TAFA1: variants seen among roughly 807,000 people sequenced by gnomAD.
TAFA1 encodes the protein chemokine-like protein TAFA-1.
TAFA1 carries 4 observed loss-of-function variants against 18.5 expected under a neutral mutation model. The ratio of observed to expected loss-of-function variants is 0.22; its 90% CI spans 0.11 to 0.49. The LOEUF (loss-of-function observed/expected upper bound fraction) is 0.49. Ranked by LOEUF, TAFA1 falls within the 20% of genes least tolerant of loss-of-function variation. The pLI is 0.98. For synonymous variants in TAFA1, 56 were observed against 55.2 expected (o/e 1.01, Z -0.06); for missense variants, 147 against 169.0 (o/e 0.87, Z 0.72).
chr3:68,291,375 C>T (rs2068103772), intron 2 of TAFA1, among the ~76,000 whole-genome samples: 2 of 152,048 alleles, frequency 1.3e-5, no homozygotes, highest in Admixed American at 1.3e-4. Context: ...TTTTTACATG[C>T]CCAGTGCTTT....
chr3:68,232,295 A>G (rs2066881463), intron 2 of TAFA1, among the ~76,000 whole-genome samples: 1 of 152,094 alleles, frequency 6.6e-6, no homozygotes, highest in Admixed American at 6.6e-5. Context: ...TAGCTCCCCC[A>G]TATGAGTGAG....
chr3:68,359,074 G>A (rs768462996), intron 2 of TAFA1, among the ~76,000 whole-genome samples: 2 of 152,004 alleles, frequency 1.3e-5, no homozygotes, highest in African/African-American at 2.4e-5. Context: ...TGTACCCAGA[G>A]CACTGTTGTC....
chr3:68,376,900 A>G (rs2069830051), intron 2 of TAFA1, among the ~76,000 whole-genome samples: 1 of 152,080 alleles, frequency 6.6e-6, no homozygotes, highest in South Asian at 2.1e-4. Context: ...ATAGTGAGTG[A>G]GTTCTCATGA....
intron 3 of TAFA1, among the ~76,000 whole-genome samples, chr3:68,488,486 A>G (rs187786259): frequency 2.9e-4 from 44 of 152,320 alleles, no homozygotes; most frequent in African/African-American, 1.1e-3. Flanking sequence ...TCAAGTTGAC[A>G]CGCAATATTA....
intron 2 of TAFA1, among the ~76,000 whole-genome samples, chr3:68,293,686 C>A (rs944470202): frequency 1.3e-5 from 2 of 152,176 alleles, no homozygotes; most frequent in African/African-American, 4.8e-5. Context: ...CTATTGTTCT[C>A]TTCATAACGC....
chr3:68,022,314 A>G (rs1704707411), intron 2 of TAFA1, among the ~76,000 whole-genome samples: 1 of 152,204 alleles, frequency 6.6e-6, no homozygotes, highest in Non-Finnish European at 1.5e-5. Context: ...ATCATAATAG[A>G]ACATTTGGAG....
At chr3:68,296,452 C>T (rs550019945) in intron 2 of TAFA1, among the ~76,000 whole-genome samples, 1 of 152,152 alleles carries the variant, frequency 6.6e-6, no homozygotes, top group East Asian at 1.9e-4. Flanking sequence ...GATACAAATT[C>T]ATCTAGGTGT....
At chr3:68,033,564 A>G (rs1431458554) in intron 2 of TAFA1, among the ~76,000 whole-genome samples, 1 of 152,220 alleles carries the variant, frequency 6.6e-6, no homozygotes, top group Admixed American at 6.5e-5. Flanking sequence ...CTCTGAGAGC[A>G]TTGTACTTTT....
intron 2 of TAFA1, among the ~76,000 whole-genome samples, chr3:68,162,282 A>G (rs934983626): frequency 1.3e-5 from 2 of 152,080 alleles, no homozygotes; most frequent in South Asian, 4.1e-4. Flanking sequence ...TTTTCCACAG[A>G]TGGGGTTGGG....
intron 3 of TAFA1, among the ~76,000 whole-genome samples, chr3:68,466,792 G>A (rs531723677): frequency 1.3e-5 from 2 of 152,154 alleles, no homozygotes; most frequent in Non-Finnish European, 2.9e-5. Flanking sequence ...TTCAACGTAG[G>A]TTCTTTTCTA....
intron 3 of TAFA1, among the ~76,000 whole-genome samples, chr3:68,520,119 C>T (rs950533872): frequency 2.6e-5 from 4 of 152,058 alleles, no homozygotes; most frequent in Admixed American, 1.3e-4. Context: ...GTTGTCGTCT[C>T]AGAAAGTAAA....
chr3:68,438,091 G>T (rs1279799341), intron 3 of TAFA1, among the ~76,000 whole-genome samples: 1 of 152,138 alleles, frequency 6.6e-6, no homozygotes, highest in East Asian at 1.9e-4. Context: ...ATGTGCAGTG[G>T]CTCATGCCTG....
At chr3:68,323,541 G>C (rs933932404) in intron 2 of TAFA1, among the ~76,000 whole-genome samples, 2 of 152,144 alleles carry the variant, frequency 1.3e-5, no homozygotes, top group African/African-American at 4.8e-5. Context: ...GACTGTCCTC[G>C]TATGTGTAAC....
At chr3:68,278,816 C>A (rs185641618) in intron 2 of TAFA1, among the ~76,000 whole-genome samples, 1 of 152,222 alleles carries the variant, frequency 6.6e-6, no homozygotes, top group Admixed American at 6.6e-5. Context: ...GGGATGGGAA[C>A]TAAGATTCCA....
intron 2 of TAFA1, among the ~76,000 whole-genome samples, chr3:68,180,112 C>T (rs2066178721): frequency 6.6e-6 from 1 of 151,332 alleles, no homozygotes; most frequent in South Asian, 2.1e-4. Context: ...ACTGCAACCT[C>T]CACCTCCCAG....
intron 2 of TAFA1, among the ~76,000 whole-genome samples, chr3:68,140,554 G>A (rs989126950): frequency 6.6e-6 from 1 of 152,272 alleles, no homozygotes. Context: ...TACCCTGCAT[G>A]AGTCCTGGGC....
At chr3:68,296,432 C>A (rs1387918082) in intron 2 of TAFA1, among the ~76,000 whole-genome samples, 1 of 152,140 alleles carries the variant, frequency 6.6e-6, no homozygotes, top group Admixed American at 6.6e-5. Context: ...TAAACATACC[C>A]TTGGAATATG....
intron 2 of TAFA1, among the ~76,000 whole-genome samples, chr3:68,306,704 C>G (rs942058280): frequency 2.6e-5 from 4 of 152,102 alleles, no homozygotes; most frequent in African/African-American, 9.7e-5. Context: ...TCATTTGTCT[C>G]TGGGTCTTTG....
intron 2 of TAFA1, among the ~76,000 whole-genome samples, chr3:68,287,952 A>G (rs2068043603): frequency 6.6e-6 from 1 of 151,012 alleles, no homozygotes; most frequent in African/African-American, 2.4e-5. Context: ...GAGTACCCTA[A>G]AATGATTAGA....
Sources: gnomAD v4.1 joint callset for allele counts (sites outside exome capture counted in the v4.1 genomes callset) on GRCh38, gnomAD v4.1.1 for gene constraint, MANE v1.5 for transcripts, NCBI Gene and HGNC (gene_info 2026-07-23, HGNC 2026-07-21) for gene names.